Variants in DPP8 observed in about 807,000 individuals in gnomAD.
The protein encoded by DPP8 is dipeptidyl peptidase 8.
In DPP8, 31 loss-of-function variants were observed where a neutral mutation model predicts 107.5. The observed-to-expected ratio is 0.29, with a 90% CI of 0.22 to 0.39. DPP8 has a LOEUF of 0.39. Among genes scored for constraint, DPP8 ranks in the 10% least tolerant of loss-of-function variants. The pLI is 1.00. For synonymous variants in DPP8, 381 were observed against 356.6 expected, an observed-to-expected ratio of 1.07 and a Z score of -0.77; for missense variants, 842 against 1,076.1, an observed-to-expected ratio of 0.78 and a Z score of 3.04.
At chr15:65,477,482 GA>G (rs1437646588) in intron 11 of DPP8, among the ~76,000 whole-genome samples, 12 of 150,006 alleles carry the variant, frequency 8.0e-5, no homozygotes, top group Admixed American at 3.3e-4. Context: ...CTTAAAAGTG[GA>G]AAAAATGGTC....
At position 65,507,392 on chromosome 15, in the gene DPP8, G is replaced by A. The variant is rs374468805; in HGVS notation, c.260-37C>T. 8.1e-5 allele frequency: 110 copies of A among 1,355,402 alleles called. No individual in the cohort carries two copies. In the Middle Eastern group the frequency reaches 4.5e-3, roughly 56 times the overall value. 84.0% of individuals were successfully genotyped at this position (1,355,402 alleles called of 1,614,324 possible). A position where few individuals can be genotyped will look rare whatever the true frequency, so the allele number is the denominator to read the frequency against. Reference sequence around the variant, plus strand: ...AGCAATCATTTATTATTATTTTTTCGAATAGCATTCTTACTACAGTCACAG... The same window carrying A: ...AGCAATCATTTATTATTATTTTTTCAAATAGCATTCTTACTACAGTCACAG... On this transcript the variant is annotated intron_variant, in intron 2 of 19. Coordinates refer to ENST00000300141, the MANE Select transcript of DPP8 (RefSeq NM_130434.5).
At position 65,443,698 on chromosome 15, in the gene DPP8, G is replaced by C. The variant is rs934858490; in HGVS notation, c.*3186C>G. 6.6e-6 allele frequency: 1 copy of C among 152,116 alleles called. No individual in the cohort carries two copies. The highest frequency in any genetic ancestry group is 2.4e-5 in the African/African-American group (1 of 41,414). The allele number at this position is 152,116 out of a possible 1,614,324, so 9.4% of individuals were successfully genotyped here. On this transcript the variant is annotated 3_prime_UTR_variant, in exon 20 of 20. Transcript: ENST00000300141. Reference sequence around the variant, plus strand: ...CTCCTGCTGCTTTCAGAGTGAGACGGGGCCAAATAGTTACCACAGATGAGC... The same window carrying C: ...CTCCTGCTGCTTTCAGAGTGAGACGCGGCCAAATAGTTACCACAGATGAGC...
chr15:65,488,320 G>A (rs1184847257), intron 6 of DPP8, among the ~76,000 whole-genome samples: 3 of 151,890 alleles, frequency 2.0e-5, no homozygotes, highest in East Asian at 1.9e-4. Flanking sequence ...TTAGAGAAGC[G>A]TTCAGACTGC....
At chr15:65,469,163 C>T (rs1399364034) in intron 12 of DPP8, among the ~76,000 whole-genome samples, 1 of 151,584 alleles carries the variant, frequency 6.6e-6, no homozygotes, top group Non-Finnish European at 1.5e-5. Context: ...TGAGTAGAGA[C>T]GGGGTTTCAC....
chr15:65,469,822 C>G (rs371609325), intron 12 of DPP8, among the ~76,000 whole-genome samples: 1 of 150,142 alleles, frequency 6.7e-6, no homozygotes, highest in African/African-American at 2.5e-5. Context: ...GGTGACAGAG[C>G]GAGACTCCAT....
At chr15:65,504,398 G>A (rs938483540) in intron 3 of DPP8, among the ~76,000 whole-genome samples, 3 of 151,390 alleles carry the variant, frequency 2.0e-5, no homozygotes, top group African/African-American at 7.3e-5. Context: ...AGGGCCGGGT[G>A]CAGCGGCTCA....
chr15:65,503,853 G>C (rs539765395), intron 3 of DPP8, among the ~76,000 whole-genome samples: 1 of 152,040 alleles, frequency 6.6e-6, no homozygotes, highest in Admixed American at 6.6e-5. Context: ...TTGAACTCCT[G>C]ACTTCAAGTG....
intron 16 of DPP8, among the ~76,000 whole-genome samples, chr15:65,455,134 T>C (rs2140369055): frequency 6.6e-6 from 1 of 152,286 alleles, no homozygotes; most frequent in Non-Finnish European, 1.5e-5. Context: ...TACTTTTCCT[T>C]TTTATCTATT....
chr15:65,513,961 G>C (rs952453000), intron 1 of DPP8, among the ~76,000 whole-genome samples: 2 of 152,204 alleles, frequency 1.3e-5, no homozygotes, highest in Admixed American at 6.5e-5. Flanking sequence ...GGACTTGGGA[G>C]ATAAACTAAA....
At chr15:65,475,671 T>C in intron 11 of DPP8, 1 of 651,366 alleles carries the variant, frequency 1.5e-6, no homozygotes, top group Non-Finnish European at 2.7e-6. Context: ...CAAAAGAAAA[T>C]GTTTAATACA....
chr15:65,467,329 CTTT>C, intron 12 of DPP8, 106 bp from the exon 13 acceptor site: 1 of 1,073,612 alleles, frequency 9.3e-7, no homozygotes, highest in Non-Finnish European at 1.3e-6. Context: ...CTTATGCCTT[CTTT>C]TTTCTTTTTT....
intron 3 of DPP8, among the ~76,000 whole-genome samples, chr15:65,504,669 A>AG (rs1213793388): frequency 9.4e-5 from 14 of 148,720 alleles, no homozygotes; most frequent in Non-Finnish European, 1.9e-4. Context: ...TTCCGTCTCA[A>AG]AAAAAAAAAA....
intron 5 of DPP8, among the ~76,000 whole-genome samples, chr15:65,496,951 G>C (rs566518159): frequency 1.3e-5 from 2 of 151,960 alleles, no homozygotes; most frequent in Non-Finnish European, 2.9e-5. Flanking sequence ...GTGCAGTGGC[G>C]CAGTCTCAGC....
intron 2 of DPP8, among the ~76,000 whole-genome samples, chr15:65,508,712 C>T (rs950005450): frequency 2.6e-5 from 4 of 151,938 alleles, no homozygotes; most frequent in Non-Finnish European, 5.9e-5. Context: ...ATTAGCCAGG[C>T]GTGGTGGCAC....
At chr15:65,477,328 G>A (rs2066481851) in intron 11 of DPP8, among the ~76,000 whole-genome samples, 1 of 151,966 alleles carries the variant, frequency 6.6e-6, no homozygotes, top group Non-Finnish European at 1.5e-5. Context: ...CCGGGAGGCG[G>A]AGGTTGCAGT....
At position 65,507,279 on chromosome 15, in the gene DPP8, TA is replaced by T; in HGVS notation, c.335del (p.Leu112Ter). 1 of 1,611,148 alleles carries T rather than the reference TA, an allele frequency of 6.2e-7. No individual in the cohort carries two copies. Among genetic ancestry groups the T allele is most frequent in the Non-Finnish European group, 8.5e-7 (1 of 1,178,270 alleles). ...IPKTINRAAV[L>X]MLSWKPLLDL... ...CCAAAAGAGGCTTCCAAGAGAGCATTAAGACTGCTGCTCTATTGATAGTTTT... is the reference window on the plus strand; with the variant it reads ...CCAAAAGAGGCTTCCAAGAGAGCATTAGACTGCTGCTCTATTGATAGTTTT... On this transcript the variant is annotated frameshift_variant, in exon 3 of 20. Coordinates refer to ENST00000300141, the MANE Select transcript of DPP8 (RefSeq NM_130434.5). LOFTEE classifies it high-confidence loss of function.
At chr15:65,471,857 T>C (rs1046008541) in intron 12 of DPP8, among the ~76,000 whole-genome samples, 2 of 152,140 alleles carry the variant, frequency 1.3e-5, no homozygotes, top group African/African-American at 4.8e-5. Flanking sequence ...CCTTAATCAC[T>C]TTAGAGACTA....
chr15:65,509,185 A>G (rs1002710976), intron 2 of DPP8, among the ~76,000 whole-genome samples: 8 of 152,190 alleles, frequency 5.3e-5, no homozygotes, highest in African/African-American at 1.9e-4. Flanking sequence ...TACTTTGTAG[A>G]TTCCCAAGTT....
chr15:65,487,517 C>G (rs576388018), intron 7 of DPP8, among the ~76,000 whole-genome samples, 173 bp downstream of exon 7: 3 of 152,090 alleles, frequency 2.0e-5, no homozygotes, highest in African/African-American at 7.2e-5. Context: ...TGAAAAGAAT[C>G]AAAAAGATCA....
Sources: gnomAD v4.1 joint callset for allele counts (sites outside exome capture counted in the v4.1 genomes callset) on GRCh38, gnomAD v4.1.1 for gene constraint, MANE v1.5 for transcripts, NCBI Gene and HGNC (gene_info 2026-07-23, HGNC 2026-07-21) for gene names.